Variants in AFDN observed in about 807,000 individuals in gnomAD.
AFDN encodes afadin, adherens junction formation factor.
A neutral mutation model predicts 216.6 loss-of-function variants in AFDN; 68 were observed. The ratio of observed to expected loss-of-function variants is 0.31; its 90% CI spans 0.26 to 0.38. AFDN has a LOEUF of 0.38. AFDN is among the 10% of genes least tolerant of loss of function. AFDN has a pLI of 1.00. For missense variants in AFDN, 2,136 were observed against 2,342.0 expected (o/e 0.91, Z 1.82); for synonymous variants, 868 against 853.7 (o/e 1.02, Z -0.29).
intron 1 of AFDN, among the ~76,000 whole-genome samples, chr6:167,835,000 AT>A: frequency 6.6e-6 from 1 of 152,154 alleles, no homozygotes; most frequent in East Asian, 1.9e-4. Context: ...AAAGAAAAAC[AT>A]TTGTCTGCCT....
chr6:167,922,277 A>C (rs1347097787), intron 21 of AFDN, among the ~76,000 whole-genome samples: 1 of 152,244 alleles, frequency 6.6e-6, no homozygotes, highest in East Asian at 1.9e-4. Flanking sequence ...GATATTCTTG[A>C]AAACATTATA....
intron 13 of AFDN, among the ~76,000 whole-genome samples, chr6:167,910,009 C>G (rs549470064): frequency 5.3e-5 from 8 of 152,118 alleles, no homozygotes; most frequent in Non-Finnish European, 1.0e-4. Flanking sequence ...GGGTAGCGAA[C>G]TTAGAGTAAT....
intron 32 of AFDN, chr6:167,966,409 C>A: frequency 1.4e-6 from 1 of 689,946 alleles, no homozygotes; most frequent in Non-Finnish European, 2.1e-6. Context: ...GATCACTGGT[C>A]TCGGCATGGT....
chr6:167,919,252 G>A (rs765631681), intron 21 of AFDN, among the ~76,000 whole-genome samples: 2 of 152,242 alleles, frequency 1.3e-5, no homozygotes, highest in African/African-American at 2.4e-5. Context: ...TTTTATGAGC[G>A]TAGTAGGTTG....
At chr6:167,834,222 C>A (rs1780143458) in intron 1 of AFDN, among the ~76,000 whole-genome samples, 1 of 151,954 alleles carries the variant, frequency 6.6e-6, no homozygotes, top group Non-Finnish European at 1.5e-5. Context: ...GTACACTGAA[C>A]CCAGTTAGTA....
chr6:167,948,088 T>G, intron 28 of AFDN, 144 bp downstream of exon 28: 1 of 777,376 alleles, frequency 1.3e-6, no homozygotes, highest in South Asian at 2.0e-5. Flanking sequence ...ATCTTTTGAT[T>G]TTTAATATAC....
chr6:167,925,203 G>T (rs569567145), intron 23 of AFDN, 112 bp downstream of exon 23: 2 of 732,634 alleles, frequency 2.7e-6, no homozygotes, highest in African/African-American at 1.8e-5. Context: ...TAACGTGCCT[G>T]TTCAGTTCTG....
intron 12 of AFDN, 146 bp from the exon 13 acceptor site, chr6:167,907,025 C>T: frequency 1.6e-6 from 1 of 623,472 alleles, no homozygotes; most frequent in Non-Finnish European, 2.9e-6. Context: ...ACATAGTGTC[C>T]CCAGCATTGC....
intron 6 of AFDN, among the ~76,000 whole-genome samples, chr6:167,884,808 C>T (rs1377644950): frequency 6.6e-6 from 1 of 152,196 alleles, no homozygotes; most frequent in East Asian, 1.9e-4. Context: ...TCGCCCCTAA[C>T]AAAAGAATCA....
intron 1 of AFDN, among the ~76,000 whole-genome samples, chr6:167,852,203 C>T (rs1297178285): frequency 6.6e-6 from 1 of 152,050 alleles, no homozygotes; most frequent in Non-Finnish European, 1.5e-5. Context: ...ACTGAGATTC[C>T]CTATATCTCT....
At position 167,936,618 on chromosome 6, in the gene AFDN, G is replaced by C. The variant is rs2300799; in HGVS notation, c.3100-6511G>C. Among the ~76,000 whole-genome samples, 612 of 151,822 alleles carry C rather than the reference G, an allele frequency of 4.0e-3. 2 individuals are homozygous for C. Among genetic ancestry groups the C allele is most frequent in the Non-Finnish European group, 7.4e-3 (503 of 67,912 alleles). Reference sequence around the variant, plus strand: ...ACAATTCTCATTTATTCAAATGAAGGGGGGTAGGTAGTGAGAGCTCCATAA... The same window carrying C: ...ACAATTCTCATTTATTCAAATGAAGCGGGGTAGGTAGTGAGAGCTCCATAA... On this transcript the variant is annotated intron_variant, in intron 23 of 33. Transcript: ENST00000683244.
intron 12 of AFDN, among the ~76,000 whole-genome samples, chr6:167,906,271 A>G (rs1186017096): frequency 1.3e-5 from 2 of 152,238 alleles, no homozygotes; most frequent in African/African-American, 4.8e-5. Flanking sequence ...TTATACAGCC[A>G]TTACAAGTCT....
At position 167,951,951 on chromosome 6, in the gene AFDN, AAGC is replaced by A; in HGVS notation, c.4606_4608del (p.Gln1536del). 6.2e-7 allele frequency: 1 copy of A among 1,614,122 alleles called. No homozygotes were observed. The highest frequency in any genetic ancestry group is 8.5e-7 in the Non-Finnish European group (1 of 1,180,014). On this transcript the variant is annotated inframe_deletion, in exon 30 of 34. Transcript: ENST00000683244. This position sits in a 1 kb window ranked among gnomAD's most constrained non-coding sequence, Gnocchi z 7.1. ...GCGGGACGCCAAGGAGAAGCTGGAG[AAGC>A]AGCAGCAGATGCACATCGTGGACAT...
chr6:167,947,224 G>GAGTGC (rs1237351561), intron 27 of AFDN, among the ~76,000 whole-genome samples: 1 of 151,444 alleles, frequency 6.6e-6, no homozygotes, highest in Non-Finnish European at 1.5e-5. Flanking sequence ...GCCCAGGCTG[G>GAGTGC]AGTGCAGTGC....
At chr6:167,883,330 A>G (rs1172922152) in intron 6 of AFDN, among the ~76,000 whole-genome samples, 3 of 152,220 alleles carry the variant, frequency 2.0e-5, no homozygotes, top group Admixed American at 2.0e-4. Context: ...AAAATAAACA[A>G]ATAGCCAGTA....
chr6:167,832,026 T>G (rs1327087476), intron 1 of AFDN, among the ~76,000 whole-genome samples: 1 of 152,230 alleles, frequency 6.6e-6, no homozygotes, highest in Non-Finnish European at 1.5e-5. Flanking sequence ...TATTTTCAGG[T>G]TAGATTGAGT....
intron 23 of AFDN, among the ~76,000 whole-genome samples, chr6:167,939,735 T>G (rs10945455): frequency 0.42 from 64,427 of 151,914 alleles, 14,426 homozygotes; most frequent in East Asian, 0.8. Context: ...TTCAGTTAAT[T>G]AGATTATGTA....
At chr6:167,963,768 T>C (rs750534590) in intron 31 of AFDN, 1 of 1,062,488 alleles carries the variant, frequency 9.4e-7, no homozygotes, top group East Asian at 5.1e-5. Flanking sequence ...AGTCTTTCAC[T>C]TGTGTAATGG....
chr6:167,906,563 G>A (rs1425326023), intron 12 of AFDN, among the ~76,000 whole-genome samples: 1 of 152,018 alleles, frequency 6.6e-6, no homozygotes, highest in African/African-American at 2.4e-5. Context: ...TCTTAATGTA[G>A]GTAACTCATC....
Sources: allele counts gnomAD v4.1 joint callset (sites outside exome capture counted in the v4.1 genomes callset), GRCh38; gene constraint gnomAD v4.1.1; non-coding constraint Gnocchi (gnomAD v3.1); transcripts MANE v1.5; gene names NCBI Gene and HGNC (gene_info 2026-07-23, HGNC 2026-07-21).